The following PLCB1 variants were observed in gnomAD, a reference collection of about 807,000 sequenced individuals.
PLCB1 encodes phospholipase C beta 1.
Under a neutral mutation model 161.8 loss-of-function variants are expected in PLCB1, and 46 were observed. That is an observed-to-expected ratio of 0.28 (90% CI 0.22 to 0.36). The LOEUF is 0.36. Ranked by LOEUF, PLCB1 falls within the 10% of genes least tolerant of loss-of-function variation. The probability of loss-of-function intolerance (pLI) is 1.00; values close to 1 mark genes in which losing one functional copy is unlikely to be tolerated. For synonymous variants in PLCB1, 517 were observed against 503.7 expected, an observed-to-expected ratio of 1.03 and a Z score of -0.35; for missense variants, 1,016 against 1,472.5, an observed-to-expected ratio of 0.69 and a Z score of 5.07.
chr20:8,498,983 G>A (rs1165671828), intron 3 of PLCB1, among the ~76,000 whole-genome samples: 1 of 152,176 alleles, frequency 6.6e-6, no homozygotes, highest in Non-Finnish European at 1.5e-5. Context: ...AGTGTATGCT[G>A]TATAAAAATT....
In PLCB1 at chr20:8,881,959, C is replaced by A; in HGVS notation, c.*110C>A. The A allele has an allele frequency of 1.4e-6, 1 of 716,694 alleles. No individual in the cohort carries two copies. 44.4% of individuals were successfully genotyped at this position (716,694 alleles called of 1,614,324 possible). A position where few individuals can be genotyped will look rare whatever the true frequency, so the allele number is the denominator to read the frequency against. On this transcript the variant is annotated 3_prime_UTR_variant, in exon 32 of 32. Coordinates refer to ENST00000338037, the MANE Select transcript of PLCB1 (RefSeq NM_015192.4). ...CATCTTCCCGAGAAGCATCCCTTAGCCTAAAATCCACACCAAAGGGAGAGT... is the reference window on the plus strand; with the variant it reads ...CATCTTCCCGAGAAGCATCCCTTAGACTAAAATCCACACCAAAGGGAGAGT...
chr20:8,340,804 T>C (rs1176137037), intron 2 of PLCB1, among the ~76,000 whole-genome samples: 2 of 152,218 alleles, frequency 1.3e-5, no homozygotes, highest in Non-Finnish European at 2.9e-5. Flanking sequence ...ACACTATCAT[T>C]CTGTGCTCCT....
rs927988922 is a variant in PLCB1 at position 8,609,728 on chromosome 20, C to T, written c.247-18566C>T. Among the ~76,000 whole-genome samples the T allele has an allele frequency of 5.6e-4, 85 of 152,214 alleles. 1 individual carries two copies. Among genetic ancestry groups the T allele is most frequent in the Non-Finnish European group, 7.4e-5 (5 of 68,004 alleles). On this transcript the variant is annotated intron_variant, in intron 3 of 31. Coordinates refer to ENST00000338037, the MANE Select transcript of PLCB1 (RefSeq NM_015192.4). Reference sequence around the variant, plus strand: ...GTGCGATCATAGTTCACTGAAATCTCAATCTCCTGGGCTCAAGCAATCCTC... The same window carrying T: ...GTGCGATCATAGTTCACTGAAATCTTAATCTCCTGGGCTCAAGCAATCCTC...
intron 2 of PLCB1, among the ~76,000 whole-genome samples, chr20:8,290,408 C>A (rs1352615373): frequency 6.6e-6 from 1 of 152,116 alleles, no homozygotes; most frequent in African/African-American, 2.4e-5. Context: ...ATATTATGGG[C>A]AGCTGGTGTT....
chr20:8,709,319 C>T (rs1978865874), intron 12 of PLCB1, among the ~76,000 whole-genome samples: 2 of 152,180 alleles, frequency 1.3e-5, no homozygotes, highest in Non-Finnish European at 2.9e-5. Flanking sequence ...GTTATTTTGA[C>T]TTCACTGTTT....
intron 31 of PLCB1, among the ~76,000 whole-genome samples, chr20:8,834,739 T>G (rs2146282643): frequency 7.2e-6 from 1 of 138,832 alleles, no homozygotes; most frequent in South Asian, 2.4e-4. Flanking sequence ...TGCTTGAACC[T>G]GGGAGGCAGA....
At chr20:8,147,109 A>G (rs58912867) in intron 1 of PLCB1, among the ~76,000 whole-genome samples, 6,597 of 152,230 alleles carry the variant, frequency 0.043, 182 homozygotes, top group South Asian at 0.12. Context: ...GTAGGCCTAC[A>G]TCCGTGGTTT....
chr20:8,849,825 C>T (rs548209896), intron 31 of PLCB1, among the ~76,000 whole-genome samples: 70 of 152,086 alleles, frequency 4.6e-4, no homozygotes, highest in East Asian at 9.7e-4. Context: ...CCATCCTGGC[C>T]AACATGGTGA....
At chr20:8,536,931 C>T (rs1016934368) in intron 3 of PLCB1, among the ~76,000 whole-genome samples, 2 of 152,080 alleles carry the variant, frequency 1.3e-5, no homozygotes, top group African/African-American at 4.8e-5. Flanking sequence ...TCCAAGATTC[C>T]CATAAGGTAG....
At chr20:8,402,734 A>C (rs1348532997) in intron 3 of PLCB1, among the ~76,000 whole-genome samples, 1 of 151,470 alleles carries the variant, frequency 6.6e-6, no homozygotes. Flanking sequence ...AGTCCTAGCT[A>C]CTCGGGAGGC....
chr20:8,337,232 A>G (rs1429603973), intron 2 of PLCB1, among the ~76,000 whole-genome samples: 1 of 152,200 alleles, frequency 6.6e-6, no homozygotes, highest in Non-Finnish European at 1.5e-5. Flanking sequence ...TTTTTATCCC[A>G]TTTTATTGAT....
intron 3 of PLCB1, among the ~76,000 whole-genome samples, chr20:8,508,114 A>G (rs1011576119): frequency 2.0e-5 from 3 of 152,166 alleles, no homozygotes; most frequent in African/African-American, 7.2e-5. Context: ...GCCTGTCTGA[A>G]CAAAGGTGAA....
chr20:8,563,534 T>A (rs1236967846), intron 3 of PLCB1, among the ~76,000 whole-genome samples: 1 of 152,002 alleles, frequency 6.6e-6, no homozygotes, highest in Non-Finnish European at 1.5e-5. Context: ...AGCTAGAAAG[T>A]AGGTCTGAAA....
chr20:8,553,964 T>C (rs912543523), intron 3 of PLCB1, among the ~76,000 whole-genome samples: 2 of 152,000 alleles, frequency 1.3e-5, no homozygotes, highest in African/African-American at 2.4e-5. Context: ...ATTGCACTAC[T>C]GTTCTCCAGC....
At chr20:8,427,294 T>G (rs1979826712) in intron 3 of PLCB1, among the ~76,000 whole-genome samples, 1 of 152,194 alleles carries the variant, frequency 6.6e-6, no homozygotes, top group Non-Finnish European at 1.5e-5. Context: ...CATAGACTGA[T>G]GGACAGTCCT....
At chr20:8,791,775 T>A (rs1883549) in intron 31 of PLCB1, among the ~76,000 whole-genome samples, 137,163 of 152,156 alleles carry the variant, frequency 0.9, 62,537 homozygotes, top group East Asian at 1. Flanking sequence ...AAAGATTTTC[T>A]TGTTACTGCT....
intron 27 of PLCB1, among the ~76,000 whole-genome samples, chr20:8,783,687 C>T (rs538218960): frequency 6.6e-6 from 1 of 152,208 alleles, no homozygotes; most frequent in Non-Finnish European, 1.5e-5. Flanking sequence ...AACTCTGCCC[C>T]TGCTTTTCTC....
Position 8,430,871 on chromosome 20 carries a change from T to G in PLCB1, c.246+59421T>G, listed in dbSNP as rs1178573087. Among the ~76,000 whole-genome samples, 3 of 151,910 alleles carry G rather than the reference T, an allele frequency of 2.0e-5. No individual in the cohort carries two copies. The East Asian group carries it at 5.8e-4, about 29-fold the overall frequency. On this transcript the variant is annotated intron_variant, in intron 3 of 31. Coordinates refer to ENST00000338037, the MANE Select transcript of PLCB1 (RefSeq NM_015192.4). ...TACTCAGGAGGCTGAGGCAGGAGGC[T>G]CTCTTGAGCCCAGAAGTAGGAGACA...
chr20:8,172,849 G>A (rs945265933), intron 2 of PLCB1, among the ~76,000 whole-genome samples: 1 of 152,168 alleles, frequency 6.6e-6, no homozygotes, highest in Admixed American at 6.5e-5. Flanking sequence ...GCAGCATGGG[G>A]CAGGGTATCT....
Sources: allele counts gnomAD v4.1 joint callset (sites outside exome capture counted in the v4.1 genomes callset), GRCh38; gene constraint gnomAD v4.1.1; transcripts MANE v1.5; gene names NCBI Gene and HGNC (gene_info 2026-07-23, HGNC 2026-07-21).